ESRP1: variants seen among roughly 807,000 people sequenced by gnomAD.
ESRP1 encodes the protein epithelial splicing regulatory protein 1.
A neutral mutation model predicts 81.7 loss-of-function variants in ESRP1; 33 were observed. The observed-to-expected ratio is 0.40, with a 90% CI of 0.31 to 0.54. The LOEUF (loss-of-function observed/expected upper bound fraction) is 0.54. Ranked by LOEUF, ESRP1 falls within the 20% of genes least tolerant of loss-of-function variation. The pLI is 0.41. For synonymous variants in ESRP1, 320 were observed against 303.3 expected (o/e 1.06, Z -0.57); for missense variants, 672 against 833.1 (o/e 0.81, Z 2.38).
intron 13 of ESRP1, among the ~76,000 whole-genome samples, chr8:94,689,870 G>T (rs1417643735): frequency 7.2e-6 from 1 of 138,914 alleles, no homozygotes; most frequent in East Asian, 2.1e-4. Flanking sequence ...AGGCTGGAGT[G>T]CAGTGGCGCC....
chr8:94,678,781 A>G (rs1250289299), intron 13 of ESRP1, among the ~76,000 whole-genome samples: 1 of 152,248 alleles, frequency 6.6e-6, no homozygotes, highest in African/African-American at 2.4e-5. Flanking sequence ...GTTGCTTTAA[A>G]TATTCCAGGG....
chr8:94,665,187 A>G lies in ESRP1; in HGVS notation c.922A>G (p.Ile308Val). 1 of 1,612,986 alleles carries G rather than the reference A, an allele frequency of 6.2e-7. No homozygotes were observed. The highest frequency in any genetic ancestry group is 8.5e-7 in the Non-Finnish European group (1 of 1,179,484). Reference protein sequence around the residue: ...YKATGEDFLKIAGGTSNEVAQ... With the variant: ...YKATGEDFLKVAGGTSNEVAQ... ...AGCAACAGGTGAAGATTTCCTTAAAATTGCTGGTGGTAAGTGCCTTTTACA... is the reference window on the plus strand; with the variant it reads ...AGCAACAGGTGAAGATTTCCTTAAAGTTGCTGGTGGTAAGTGCCTTTTACA... Residue 308 changes from isoleucine (I) to valine (V), a missense_variant, in exon 9 of 16, where the codon ATT becomes GTT. Coordinates refer to ENST00000433389, the MANE Select transcript of ESRP1 (RefSeq NM_017697.4).
At chr8:94,663,457 G>A (rs932212278) in intron 6 of ESRP1, among the ~76,000 whole-genome samples, 5 of 152,020 alleles carry the variant, frequency 3.3e-5, no homozygotes, top group Non-Finnish European at 4.4e-5. Flanking sequence ...TGTTGACCAG[G>A]CTGGTCTCAA....
In ESRP1 at chr8:94,674,393, T is replaced by A. The variant is rs1415830822; in HGVS notation, c.1538T>A (p.Met513Lys). 1 of 1,613,872 alleles carries A rather than the reference T, an allele frequency of 6.2e-7. No individual in the cohort carries two copies. The highest frequency in any genetic ancestry group is 8.5e-7 in the Non-Finnish European group (1 of 1,179,890). ...GCACAGAAGTGTCATAAAAAAAACA[T>A]GAAGGACAGATATGTTGAAGTCTTT... ...MAAQKCHKKN[M>K]KDRYVEVFQC... Residue 513 changes from methionine to lysine, a missense_variant, in exon 12 of 16, where the codon ATG (methionine) becomes AAG (lysine). Physicochemically the swap from Met to Lys is moderately conservative, Grantham distance 95. Coordinates refer to ENST00000433389, the MANE Select transcript of ESRP1 (RefSeq NM_017697.4).
intron 15 of ESRP1, among the ~76,000 whole-genome samples, chr8:94,703,397 G>A (rs189910928): frequency 1.0e-3 from 159 of 152,056 alleles, no homozygotes; most frequent in African/African-American, 3.4e-3. Context: ...TGATCTGCCC[G>A]CCTCACCTTC....
At position 94,692,758 on chromosome 8, in the gene ESRP1, G is replaced by A. The variant is rs200594768; in HGVS notation, c.1902G>A (p.Val634=). 6.2e-7 allele frequency: 1 copy of A among 1,613,896 alleles called. No individual in the cohort carries two copies. Among genetic ancestry groups the A allele is most frequent in the African/African-American group, 1.3e-5 (1 of 75,016 alleles). ...GTGTCCCTCCACAGCCTGGCACGGT[G>A]GTCAGAATGCAGGGCCTGGCCTACA... The part of the protein sequence containing the change: ...LSGVPPQPGT[V]VRMQGLAYNT... Residue 634 remains valine (V), a synonymous_variant, in exon 14 of 16, where the codon GTG becomes GTA. Coordinates refer to ENST00000433389, the MANE Select transcript of ESRP1 (RefSeq NM_017697.4).
At chr8:94,684,129 G>C (rs1448670028) in intron 13 of ESRP1, among the ~76,000 whole-genome samples, 2 of 140,558 alleles carry the variant, frequency 1.4e-5, no homozygotes, top group Non-Finnish European at 3.1e-5. Flanking sequence ...TTACAGGTGT[G>C]AGCCACTGCG....
chr8:94,677,096 G>C (rs149540637), intron 12 of ESRP1, among the ~76,000 whole-genome samples: 13 of 152,250 alleles, frequency 8.5e-5, no homozygotes, highest in Non-Finnish European at 1.8e-4. Context: ...TTTTTGATGA[G>C]TATGAAAGAG....
chr8:94,660,560 G>A, intron 4 of ESRP1, among the ~76,000 whole-genome samples: 1 of 151,976 alleles, frequency 6.6e-6, no homozygotes, highest in Admixed American at 6.6e-5. Context: ...CCAACATGGT[G>A]AAACCCCATC....
At chr8:94,661,394 C>T (rs1818739066) in intron 4 of ESRP1, among the ~76,000 whole-genome samples, 2 of 152,102 alleles carry the variant, frequency 1.3e-5, no homozygotes, top group African/African-American at 2.4e-5. Context: ...AGACATAATG[C>T]TATTGAATAC....
At chr8:94,680,819 C>T (rs1330829263) in intron 13 of ESRP1, among the ~76,000 whole-genome samples, 2 of 152,134 alleles carry the variant, frequency 1.3e-5, no homozygotes, top group Admixed American at 1.3e-4. Flanking sequence ...TTTTGGCCTC[C>T]ACTCTGATAA....
chr8:94,654,290 C>T (rs888577837), intron 4 of ESRP1, among the ~76,000 whole-genome samples: 4 of 152,070 alleles, frequency 2.6e-5, no homozygotes, highest in African/African-American at 9.7e-5. Context: ...TTTACCCTAG[C>T]CTGGGCGACA....
chr8:94,701,274 C>CAAAA (rs1165195392), intron 15 of ESRP1, among the ~76,000 whole-genome samples: 1 of 94,426 alleles, frequency 1.1e-5, no homozygotes, highest in Non-Finnish European at 2.2e-5. Context: ...GACTCCATCT[C>CAAAA]AAAAAAAAAA....
At chr8:94,684,224 T>G (rs1809047039) in intron 13 of ESRP1, among the ~76,000 whole-genome samples, 1 of 152,190 alleles carries the variant, frequency 6.6e-6, no homozygotes, top group African/African-American at 2.4e-5. Context: ...AGATAGATTG[T>G]TGGGAGATTT....
At chr8:94,690,797 A>C (rs1273792546) in intron 13 of ESRP1, among the ~76,000 whole-genome samples, 1 of 152,170 alleles carries the variant, frequency 6.6e-6, no homozygotes, top group Non-Finnish European at 1.5e-5. Flanking sequence ...TGTGAAAATG[A>C]CCTTTTATAT....
In ESRP1 at chr8:94,668,789, A is replaced by ATGTGTGTGTGTGTGTGTGTGTGTGTG. The variant is rs71303426; in HGVS notation, c.1233+558_1233+559insGTGTGTGTGTGTGTGTGTGTGTGTGT. 2.3e-3 allele frequency among the ~76,000 whole-genome samples: 338 copies of ATGTGTGTGTGTGTGTGTGTGTGTGTG among 143,856 alleles called. 8 individuals are homozygous for ATGTGTGTGTGTGTGTGTGTGTGTGTG. Among genetic ancestry groups the ATGTGTGTGTGTGTGTGTGTGTGTGTG allele is most frequent in the East Asian group, 7.1e-3 (34 of 4,790 alleles). The allele number at this position is 143,856 out of a possible 152,430, so 94.4% of individuals were successfully genotyped here. The stretch of plus-strand genomic sequence containing the variant: ...CTGTCCTGTTTTACTAGCTTTCAGC[A>ATGTGTGTGTGTGTGTGTGTGTGTGTG]TGTGTGTGTGTGTGTGTGTTTGAGA... On this transcript the variant is annotated intron_variant, in intron 10 of 15. Transcript: ENST00000433389.
chr8:94,697,748 T>C (rs548628356), intron 15 of ESRP1, among the ~76,000 whole-genome samples: 7 of 152,254 alleles, frequency 4.6e-5, no homozygotes, highest in African/African-American at 1.4e-4. Context: ...TTCTTTTGGA[T>C]TGGGTATACT....
intron 14 of ESRP1, among the ~76,000 whole-genome samples, chr8:94,694,106 T>C (rs73695519): frequency 0.027 from 4,080 of 152,322 alleles, 163 homozygotes; most frequent in African/African-American, 0.091. Context: ...TTGCTTATTA[T>C]GGAGAAAACA....
rs555842938 is a variant in ESRP1 at position 94,681,644 on chromosome 8, AAAT to A, written c.1820+3279_1820+3281del. On this transcript the variant is annotated intron_variant, in intron 13 of 15. Coordinates refer to ENST00000433389, the MANE Select transcript of ESRP1 (RefSeq NM_017697.4). ...ACAGCGAGACTCCGTCTCAAAAAAT[AAAT>A]AATAAAAATGGCTGGGTGTGGTGGC... Among the ~76,000 whole-genome samples, 301 of 151,916 alleles carry A rather than the reference AAAT, an allele frequency of 2.0e-3. 1 individual carries two copies. Among genetic ancestry groups the A allele is most frequent in the African/African-American group, 6.8e-3 (280 of 41,378 alleles).
Sources: allele counts gnomAD v4.1 joint callset (sites outside exome capture counted in the v4.1 genomes callset), GRCh38; gene constraint gnomAD v4.1.1; transcripts MANE v1.5; gene names NCBI Gene and HGNC (gene_info 2026-07-23, HGNC 2026-07-21).